MAML2: variants seen among roughly 807,000 people sequenced by gnomAD.
MAML2 encodes the protein mastermind like transcriptional coactivator 2.
MAML2 carries 22 observed loss-of-function variants against 96.1 expected under a neutral mutation model. The observed-to-expected ratio is 0.23, with a 90% CI of 0.16 to 0.33. The LOEUF (loss-of-function observed/expected upper bound fraction) is 0.33. Among genes scored for constraint, MAML2 ranks in the 10% least tolerant of loss-of-function variants. The pLI is 1.00. For missense variants in MAML2, 1,367 were observed against 1,392.4 expected (o/e 0.98, Z 0.29); for synonymous variants, 561 against 521.3 (o/e 1.08, Z -1.04).
chr11:96,065,311 C>A (rs1008460452), intron 2 of MAML2, among the ~76,000 whole-genome samples: 1 of 152,098 alleles, frequency 6.6e-6, no homozygotes, highest in African/African-American at 2.4e-5. Context: ...GTTTCCATGG[C>A]ATATCAGGGC....
intron 1 of MAML2, among the ~76,000 whole-genome samples, chr11:96,257,506 T>A (rs1862684897): frequency 6.6e-6 from 1 of 152,260 alleles, no homozygotes; most frequent in African/African-American, 2.4e-5. Context: ...GAATCTTTGA[T>A]ACATGACTTG....
chr11:96,155,197 T>A (rs989265575), intron 1 of MAML2, among the ~76,000 whole-genome samples: 3 of 152,050 alleles, frequency 2.0e-5, no homozygotes, highest in South Asian at 2.1e-4. Flanking sequence ...CATTTGGAAT[T>A]CAGGTGGGAA....
chr11:96,185,316 T>C (rs968223162), intron 1 of MAML2, among the ~76,000 whole-genome samples: 12 of 152,194 alleles, frequency 7.9e-5, no homozygotes, highest in African/African-American at 2.7e-4. Context: ...CCAGTCTGCT[T>C]TCTCTCAGTT....
intron 1 of MAML2, among the ~76,000 whole-genome samples, chr11:96,247,481 T>C (rs1478344417): frequency 1.3e-5 from 2 of 152,160 alleles, no homozygotes; most frequent in South Asian, 4.1e-4. Flanking sequence ...ATTTAGCATT[T>C]TTTACCAGAA....
At chr11:96,272,036 C>G (rs918519848) in intron 1 of MAML2, among the ~76,000 whole-genome samples, 3 of 152,180 alleles carry the variant, frequency 2.0e-5, no homozygotes, top group African/African-American at 7.2e-5. Flanking sequence ...CTGCTTGGTA[C>G]TATCCTACAC....
intron 1 of MAML2, among the ~76,000 whole-genome samples, chr11:96,154,294 G>C (rs542388411): frequency 6.6e-6 from 1 of 152,258 alleles, no homozygotes; most frequent in African/African-American, 2.4e-5. Flanking sequence ...CAAAACTTTT[G>C]AGCAGTCTGC....
At chr11:96,242,533 T>C (rs1862450589) in intron 1 of MAML2, among the ~76,000 whole-genome samples, 1 of 152,294 alleles carries the variant, frequency 6.6e-6, no homozygotes, top group Non-Finnish European at 1.5e-5. Flanking sequence ...CCAGTTGAAT[T>C]ATAGGTACAG....
At chr11:96,135,454 T>A (rs562647264) in intron 1 of MAML2, among the ~76,000 whole-genome samples, 2 of 151,986 alleles carry the variant, frequency 1.3e-5, no homozygotes, top group Admixed American at 1.3e-4. Context: ...ATTATTACAC[T>A]TTTACAGAGG....
At chr11:96,126,324 G>A (rs1860436645) in intron 1 of MAML2, among the ~76,000 whole-genome samples, 1 of 152,216 alleles carries the variant, frequency 6.6e-6, no homozygotes, top group Non-Finnish European at 1.5e-5. Context: ...TTGGAAGGCT[G>A]AGGCGGGTGG....
At position 96,329,159 on chromosome 11, in the gene MAML2, T is replaced by G. The variant is rs373856666; in HGVS notation, c.513+12224A>C. Among the ~76,000 whole-genome samples the G allele has an allele frequency of 2.8e-4, 43 of 152,274 alleles. No homozygotes were observed. The East Asian group carries it at 5.6e-3, about 20-fold the overall frequency. On this transcript the variant is annotated intron_variant, in intron 1 of 4. Transcript: ENST00000524717. ...GGGAATCTTTACCCTACAGAAATATTACAAGTGTAATTGAGAGGATCTGGG... is the reference window on the plus strand; with the variant it reads ...GGGAATCTTTACCCTACAGAAATATGACAAGTGTAATTGAGAGGATCTGGG...
intron 1 of MAML2, among the ~76,000 whole-genome samples, chr11:96,180,463 T>TGGGTCACAGAGAGA (rs1308970091): frequency 5.9e-5 from 9 of 152,196 alleles, no homozygotes; most frequent in Non-Finnish European, 1.2e-4. Context: ...TGAAGAAGCC[T>TGGGTCACAGAGAGA]GGGTCACAGA....
At chr11:95,991,434 A>G in intron 3 of MAML2, 86 bp downstream of exon 3, 6 of 1,217,016 alleles carry the variant, frequency 4.9e-6, no homozygotes, top group Non-Finnish European at 7.3e-6. Context: ...TCACGTAAGT[A>G]GGCACAGTAA....
chr11:95,988,489 C>A (rs1464583491), intron 3 of MAML2, among the ~76,000 whole-genome samples: 1 of 135,456 alleles, frequency 7.4e-6, no homozygotes, highest in Non-Finnish European at 1.6e-5. Context: ...CCACCAGAGG[C>A]TAAACTGTTG....
At chr11:96,172,625 A>G (rs1861314763) in intron 1 of MAML2, among the ~76,000 whole-genome samples, 2 of 152,218 alleles carry the variant, frequency 1.3e-5, no homozygotes, top group Non-Finnish European at 2.9e-5. Flanking sequence ...AATGACATGA[A>G]AACACAATAT....
chr11:96,287,013 G>A, intron 1 of MAML2, among the ~76,000 whole-genome samples: 1 of 152,078 alleles, frequency 6.6e-6, no homozygotes, highest in Non-Finnish European at 1.5e-5. Context: ...CTGATGCGCT[G>A]CTCTAGAGAT....
intron 1 of MAML2, among the ~76,000 whole-genome samples, chr11:96,329,237 T>C (rs1053496363): frequency 1.3e-5 from 2 of 152,110 alleles, no homozygotes; most frequent in Non-Finnish European, 2.9e-5. Flanking sequence ...CAAACTCTAC[T>C]CCTATAAATG....
At chr11:96,176,158 T>G (rs772148717) in intron 1 of MAML2, among the ~76,000 whole-genome samples, 26 of 152,152 alleles carry the variant, frequency 1.7e-4, no homozygotes, top group Admixed American at 5.9e-4. Flanking sequence ...CCAAAATCCT[T>G]GAAGAAGTCA....
At chr11:96,061,768 TC>T (rs200628113) in intron 2 of MAML2, among the ~76,000 whole-genome samples, 3,034 of 152,274 alleles carry the variant, frequency 0.02, 46 homozygotes, top group Non-Finnish European at 0.031. Context: ...TTTTCTTTCC[TC>T]CTTTTTCTTC....
chr11:96,340,432 C>T (rs1055532397), intron 1 of MAML2, among the ~76,000 whole-genome samples: 4 of 152,182 alleles, frequency 2.6e-5, no homozygotes, highest in Admixed American at 2.6e-4. Flanking sequence ...GGTCCAGCAG[C>T]TTTGGGGGGA....
Sources: allele counts gnomAD v4.1 joint callset (sites outside exome capture counted in the v4.1 genomes callset), GRCh38; gene constraint gnomAD v4.1.1; transcripts MANE v1.5; gene names NCBI Gene and HGNC (gene_info 2026-07-23, HGNC 2026-07-21).